SLC25A40: variants seen among roughly 807,000 people sequenced by gnomAD.
The protein encoded by SLC25A40 is mitochondrial glutathione transporter SLC25A40.
Under a neutral mutation model 46.5 loss-of-function variants are expected in SLC25A40, and 41 were observed. The ratio of observed to expected loss-of-function variants is 0.88; its 90% CI spans 0.69 to 1.14. SLC25A40 has a LOEUF of 1.14. Ranked by LOEUF, SLC25A40 falls within the 50% of genes most tolerant of loss-of-function variation. The pLI is 0.00. For missense variants in SLC25A40, 386 were observed against 393.6 expected (o/e 0.98, Z 0.16); for synonymous variants, 126 against 127.5 (o/e 0.99, Z 0.08).
At chr7:87,853,499 ATGTT>A (rs1287593284) in intron 5 of SLC25A40, among the ~76,000 whole-genome samples, 2 of 152,218 alleles carry the variant, frequency 1.3e-5, no homozygotes, top group Admixed American at 6.5e-5. Context: ...GAGTAAGTGA[ATGTT>A]TGTAGCAGCT....
At chr7:87,868,168 G>C (rs1053097262) in intron 1 of SLC25A40, among the ~76,000 whole-genome samples, 3 of 152,160 alleles carry the variant, frequency 2.0e-5, no homozygotes, top group Non-Finnish European at 2.9e-5. Flanking sequence ...AGATGATAGG[G>C]AAGCTGGCTG....
intron 1 of SLC25A40, among the ~76,000 whole-genome samples, chr7:87,863,745 T>C (rs1212529954): frequency 6.6e-6 from 1 of 152,124 alleles, no homozygotes; most frequent in East Asian, 1.9e-4. Flanking sequence ...TTCCAGTTAT[T>C]TTGAAATGTA....
chr7:87,855,929 A>C (rs1838607253), intron 4 of SLC25A40, among the ~76,000 whole-genome samples: 1 of 152,304 alleles, frequency 6.6e-6, no homozygotes, highest in Middle Eastern at 3.4e-3. Context: ...TCCAATCACT[A>C]TATTCAAGCA....
At chr7:87,864,600 T>C (rs1004453334) in intron 1 of SLC25A40, among the ~76,000 whole-genome samples, 1 of 152,238 alleles carries the variant, frequency 6.6e-6, no homozygotes, top group African/African-American at 2.4e-5. Context: ...CTTTGACTAG[T>C]AGCCTATTTT....
At chr7:87,846,047 TCTTA>T (rs546119264) in intron 8 of SLC25A40, among the ~76,000 whole-genome samples, 17 of 152,294 alleles carry the variant, frequency 1.1e-4, no homozygotes, top group Admixed American at 2.0e-4. Context: ...AGCAGCACTG[TCTTA>T]CTTGTTTACT....
intron 9 of SLC25A40, among the ~76,000 whole-genome samples, chr7:87,843,133 T>A (rs1838358863): frequency 1.3e-5 from 2 of 152,052 alleles, no homozygotes; most frequent in Non-Finnish European, 2.9e-5. Context: ...TACAAGTTAT[T>A]ACAGATTCAT....
intron 1 of SLC25A40, among the ~76,000 whole-genome samples, chr7:87,862,963 G>A (rs1462435371): frequency 6.6e-6 from 1 of 152,028 alleles, no homozygotes; most frequent in Non-Finnish European, 1.5e-5. Flanking sequence ...CAATATGTGG[G>A]GACTGTGGAA....
rs543896089 is a variant in SLC25A40 at position 87,841,649 on chromosome 7, T to A, written c.807A>T (p.Thr269=). 78 of 1,508,348 alleles carry A rather than the reference T, an allele frequency of 5.2e-5. No individual in the cohort carries two copies. Among genetic ancestry groups the A allele is most frequent in the Admixed American group, 4.9e-4 (24 of 48,630 alleles). 93.4% of individuals were successfully genotyped at this position (1,508,348 alleles called of 1,614,324 possible). The change falls in exon 10 of 12, where the codon ACA becomes ACT. Residue 269 remains threonine (T), a synonymous_variant. Coordinates refer to ENST00000341119, the MANE Select transcript of SLC25A40 (RefSeq NM_018843.4). ...TAAACTTACTTTTATGACTTTCATA[T>A]GTCCAAAGTTGTGTCTGCTTTTGTG... ...VKTQKQTQLW[T]YESHKISMPL...
intron 8 of SLC25A40, among the ~76,000 whole-genome samples, chr7:87,844,473 T>C (rs1838382637): frequency 6.6e-6 from 1 of 152,112 alleles, no homozygotes; most frequent in African/African-American, 2.4e-5. Flanking sequence ...TAATTATTAA[T>C]GGTTAAATGA....
rs1375717555 is a variant in SLC25A40, at chr7:87,847,922, C to T, written c.388G>A (p.Ala130Thr). The T allele has an allele frequency of 5.6e-6, 9 of 1,611,356 alleles. No individual in the cohort carries two copies. Among genetic ancestry groups the T allele is most frequent in the African/African-American group, 1.3e-5 (1 of 74,854 alleles). The change falls in exon 7 of 12, where the codon GCT (alanine) becomes ACT (threonine). Residue 130 changes from alanine to threonine, a missense_variant. Ala to Thr is a moderately conservative substitution (Grantham distance 58, BLOSUM62 0). Coordinates refer to ENST00000341119, the MANE Select transcript of SLC25A40 (RefSeq NM_018843.4). Reference protein sequence around the residue: ...IYFTCYDQLSALLRSKLGENE... With the variant: ...IYFTCYDQLSTLLRSKLGENE... ...TCTCCTAACTTAGATCTCAGAAGAG[C>T]ACTTAATTGATCATAGCAGGTAAAA...
intron 1 of SLC25A40, among the ~76,000 whole-genome samples, chr7:87,872,907 C>A (rs1454164909): frequency 1.3e-5 from 2 of 152,180 alleles, no homozygotes. Flanking sequence ...CCTGGTTTCC[C>A]AGCCCACAGT....
At chr7:87,871,840 GTT>G (rs1562751789) in intron 1 of SLC25A40, among the ~76,000 whole-genome samples, 1 of 152,194 alleles carries the variant, frequency 6.6e-6, no homozygotes, top group Non-Finnish European at 1.5e-5. Flanking sequence ...CAGACCTGGA[GTT>G]TTCTTTAGTA....
intron 1 of SLC25A40, among the ~76,000 whole-genome samples, chr7:87,863,594 C>T (rs1192979246): frequency 6.6e-6 from 1 of 150,714 alleles, no homozygotes; most frequent in Non-Finnish European, 1.5e-5. Flanking sequence ...TTTATTGATA[C>T]ATACTAGATG....
At chr7:87,857,305 T>C (rs1838629689) in intron 3 of SLC25A40, among the ~76,000 whole-genome samples, 1 of 152,202 alleles carries the variant, frequency 6.6e-6, no homozygotes, top group African/African-American at 2.4e-5. Context: ...ATCAGAAAAG[T>C]TTAATGTTGA....
intron 1 of SLC25A40, among the ~76,000 whole-genome samples, chr7:87,867,011 T>G (rs1838813030): frequency 1.3e-5 from 2 of 151,482 alleles, no homozygotes; most frequent in Admixed American, 1.3e-4. Context: ...TGTCTTTTTC[T>G]AACTCCTTTG....
rs1379676297 is a variant in SLC25A40 at position 87,847,879 on chromosome 7, G to A, written c.431C>T (p.Pro144Leu). The A allele has an allele frequency of 1.2e-6, 2 of 1,610,488 alleles. No individual in the cohort carries two copies. The highest frequency in any genetic ancestry group is 1.7e-5 in the Admixed American group (1 of 59,526). Reference sequence around the variant, plus strand: ...TCTGGCTACAATTCCAGCAACAATTGGTATGCAGGTTTCATTTTCTCCTAA... The same window carrying A: ...TCTGGCTACAATTCCAGCAACAATTAGTATGCAGGTTTCATTTTCTCCTAA... ...SKLGENETCI[P>L]IVAGIVARFG... The change falls in exon 7 of 12, where the codon CCA becomes CTA. Residue 144 changes from proline (P) to leucine (L), a missense_variant. Physicochemically the swap from Pro to Leu is moderately conservative, Grantham distance 98. Transcript: ENST00000341119.
intron 9 of SLC25A40, among the ~76,000 whole-genome samples, chr7:87,843,330 T>TA (rs1000438632): frequency 4.6e-5 from 7 of 152,070 alleles, no homozygotes; most frequent in Admixed American, 2.0e-4. Context: ...CAAATTATTT[T>TA]AAAAAGTACT....
intron 7 of SLC25A40, among the ~76,000 whole-genome samples, 200 bp downstream of exon 7, chr7:87,847,653 G>A (rs753464642): frequency 6.6e-6 from 1 of 152,122 alleles, no homozygotes; most frequent in Admixed American, 6.5e-5. Flanking sequence ...AAAATAGGCT[G>A]AGCCCATCTC....
intron 8 of SLC25A40, among the ~76,000 whole-genome samples, chr7:87,845,754 T>G (rs1271468225): frequency 6.6e-6 from 1 of 152,122 alleles, no homozygotes; most frequent in Admixed American, 6.5e-5. Context: ...AATGAAACAG[T>G]GCCCAATCTT....
Sources: gnomAD v4.1 joint callset for allele counts (sites outside exome capture counted in the v4.1 genomes callset) on GRCh38, gnomAD v4.1.1 for gene constraint, MANE v1.5 for transcripts, NCBI Gene and HGNC (gene_info 2026-07-23, HGNC 2026-07-21) for gene names.